LHFPL2: variants seen among roughly 807,000 people sequenced by gnomAD.
The protein encoded by LHFPL2 is LHFPL tetraspan subfamily member 2.
Under a neutral mutation model 17.5 loss-of-function variants are expected in LHFPL2, and 7 were observed. The observed-to-expected ratio is 0.40, with a 90% CI of 0.23 to 0.75. LHFPL2 has a LOEUF of 0.75. Among genes scored for constraint, LHFPL2 ranks in the 30% least tolerant of loss-of-function variants. LHFPL2 has a pLI of 0.37. For synonymous variants in LHFPL2, 134 were observed against 116.2 expected (o/e 1.15, Z -0.99); for missense variants, 241 against 294.8 (o/e 0.82, Z 1.34).
At chr5:78,524,142 A>G (rs1351353856) in intron 3 of LHFPL2, among the ~76,000 whole-genome samples, 22 of 152,224 alleles carry the variant, frequency 1.4e-4, no homozygotes, top group Admixed American at 1.4e-3. Context: ...CGCTCCACAC[A>G]GAACCCACAC....
At chr5:78,643,024 G>A (rs918338260) in intron 1 of LHFPL2, among the ~76,000 whole-genome samples, 1 of 151,880 alleles carries the variant, frequency 6.6e-6, no homozygotes, top group Non-Finnish European at 1.5e-5. Context: ...TGTTTCTAAA[G>A]TGCAATATGA....
intron 2 of LHFPL2, among the ~76,000 whole-genome samples, chr5:78,588,351 T>G (rs1743509168): frequency 6.6e-6 from 1 of 152,172 alleles, no homozygotes; most frequent in Admixed American, 6.5e-5. Context: ...CTTAAAAAAT[T>G]TAACAGCAAA....
At chr5:78,570,608 T>C (rs1756971098) in intron 2 of LHFPL2, among the ~76,000 whole-genome samples, 1 of 148,876 alleles carries the variant, frequency 6.7e-6, no homozygotes, top group African/African-American at 2.5e-5. Flanking sequence ...CTTTTAACCT[T>C]GAATATATAT....
intron 3 of LHFPL2, among the ~76,000 whole-genome samples, chr5:78,555,157 A>C (rs1756539357): frequency 6.6e-6 from 1 of 152,240 alleles, no homozygotes; most frequent in Admixed American, 6.5e-5. Context: ...TCAAGTCTTC[A>C]AATCAAAGCC....
chr5:78,515,129 C>A (rs879362369), intron 3 of LHFPL2, among the ~76,000 whole-genome samples: 7 of 152,182 alleles, frequency 4.6e-5, no homozygotes, highest in Non-Finnish European at 7.3e-5. Flanking sequence ...TATCCAAAGC[C>A]TAGTTCCTAC....
chr5:78,618,172 G>A (rs1174575857), intron 2 of LHFPL2, among the ~76,000 whole-genome samples: 1 of 152,020 alleles, frequency 6.6e-6, no homozygotes, highest in African/African-American at 2.4e-5. Context: ...CTGCACTCCA[G>A]CCTGGGTGTC....
intron 3 of LHFPL2, among the ~76,000 whole-genome samples, chr5:78,543,214 C>A (rs1756165788): frequency 2.0e-5 from 3 of 152,196 alleles, no homozygotes; most frequent in Admixed American, 1.3e-4. Flanking sequence ...CCTCACCCGG[C>A]ATCTATAAAA....
At chr5:78,531,544 TCTTTAC>T (rs1755785213) in intron 3 of LHFPL2, among the ~76,000 whole-genome samples, 1 of 152,182 alleles carries the variant, frequency 6.6e-6, no homozygotes, top group Non-Finnish European at 1.5e-5. Context: ...AATAAAACAT[TCTTTAC>T]CTTGACGATT....
Position 78,489,125 on chromosome 5 carries a change from G to A in LHFPL2, c.459C>T (p.Leu153=). The A allele has an allele frequency of 6.2e-7, 1 of 1,614,182 alleles. No homozygotes were observed. The highest frequency in any genetic ancestry group is 1.3e-5 in the African/African-American group (1 of 75,042). ...AGLFLILGLI[L]YPAGWGCQKA... ...TCTGGCAACCCCAGCCAGCAGGGTA[G>A]AGTATCAAACCGAGGATAAGGAATA... Residue 153 remains leucine, a synonymous_variant, in exon 5 of 5, where the codon CTC becomes CTT. Coordinates refer to ENST00000380345, the MANE Select transcript of LHFPL2 (RefSeq NM_005779.3).
chr5:78,637,134 G>A (rs1271007824), intron 1 of LHFPL2, among the ~76,000 whole-genome samples: 2 of 152,098 alleles, frequency 1.3e-5, no homozygotes, highest in Non-Finnish European at 2.9e-5. Context: ...CCAGACCTAT[G>A]AAGCCAAAAC....
chr5:78,511,874 G>A (rs961589565), intron 3 of LHFPL2, among the ~76,000 whole-genome samples: 3 of 152,308 alleles, frequency 2.0e-5, no homozygotes, highest in Admixed American at 6.5e-5. Flanking sequence ...GTGTGTGTGC[G>A]TGTGTCACAG....
chr5:78,523,131 TGTG>T, intron 3 of LHFPL2, among the ~76,000 whole-genome samples: 1 of 152,082 alleles, frequency 6.6e-6, no homozygotes, highest in East Asian at 1.9e-4. Flanking sequence ...TGTGTGTGTG[TGTG>T]TGTATTTCTG....
chr5:78,525,851 G>A (rs1262086084), intron 3 of LHFPL2, among the ~76,000 whole-genome samples: 2 of 152,198 alleles, frequency 1.3e-5, no homozygotes, highest in African/African-American at 4.8e-5. Flanking sequence ...AAGGTGCAGA[G>A]GACAGTTGTG....
intron 3 of LHFPL2, among the ~76,000 whole-genome samples, chr5:78,564,471 G>C (rs1245878790): frequency 6.6e-6 from 1 of 152,088 alleles, no homozygotes; most frequent in Non-Finnish European, 1.5e-5. Flanking sequence ...TAAAAATGAT[G>C]AAATGGTCCA....
At chr5:78,628,440 G>A (rs1176221459) in intron 2 of LHFPL2, among the ~76,000 whole-genome samples, 1 of 152,192 alleles carries the variant, frequency 6.6e-6, no homozygotes, top group Non-Finnish European at 1.5e-5. Context: ...CCAGGGTGGG[G>A]TCACAATCAG....
At chr5:78,562,285 C>T (rs114246621) in intron 3 of LHFPL2, among the ~76,000 whole-genome samples, 315 of 152,274 alleles carry the variant, frequency 2.1e-3, no homozygotes, top group African/African-American at 7.3e-3. Flanking sequence ...GGTACCACAG[C>T]CAGGGTCCCA....
chr5:78,611,305 G>A (rs888267565), intron 2 of LHFPL2, among the ~76,000 whole-genome samples: 33 of 152,198 alleles, frequency 2.2e-4, no homozygotes, highest in Admixed American at 2.2e-3. Flanking sequence ...GTGGGCTGAG[G>A]GGCAGGAGAA....
chr5:78,594,608 T>C (rs1165047267), intron 2 of LHFPL2, among the ~76,000 whole-genome samples: 4 of 152,180 alleles, frequency 2.6e-5, no homozygotes, highest in African/African-American at 9.7e-5. Flanking sequence ...CTACAAATCA[T>C]GAACAGTTCC....
chr5:78,626,864 C>T (rs566237777), intron 2 of LHFPL2, among the ~76,000 whole-genome samples: 25 of 151,892 alleles, frequency 1.6e-4, no homozygotes, highest in African/African-American at 5.1e-4. Flanking sequence ...AAAGATCACC[C>T]GACGTCAGGA....
Sources: allele counts gnomAD v4.1 joint callset (sites outside exome capture counted in the v4.1 genomes callset), GRCh38; gene constraint gnomAD v4.1.1; transcripts MANE v1.5; gene names NCBI Gene and HGNC (gene_info 2026-07-23, HGNC 2026-07-21).